Variants in RNF130 observed in about 807,000 individuals in gnomAD.
RNF130 encodes the protein ring finger protein 130, also known as E3 ubiquitin-protein ligase RNF130.
In RNF130, 21 loss-of-function variants were observed where a neutral mutation model predicts 44.6. The observed-to-expected ratio is 0.47, with a 90% CI of 0.33 to 0.68. RNF130 has a LOEUF of 0.68. Among genes scored for constraint, RNF130 ranks in the 30% least tolerant of loss-of-function variants. The pLI, the probability that RNF130 is intolerant of heterozygous loss-of-function variation, is 0.02. For synonymous variants in RNF130, 214 were observed against 210.4 expected (o/e 1.02, Z -0.15); for missense variants, 479 against 560.6 (o/e 0.85, Z 1.47).
At position 179,955,516 on chromosome 5, in the gene RNF130, T is replaced by G. The variant is rs1762192985; in HGVS notation, c.*138A>C. 1.5e-6 allele frequency: 1 copy of G among 652,564 alleles called. No individual in the cohort carries two copies. Among genetic ancestry groups the G allele is most frequent in the Non-Finnish European group, 2.6e-6 (1 of 385,122 alleles). The allele number at this position is 652,564 out of a possible 1,614,324, so 40.4% of individuals were successfully genotyped here. Reference sequence around the variant, plus strand: ...TTATTTATTTCTTTTAATACAAAGCTTTGGCATTAGCAATTTTATGAAAAA... The same window carrying G: ...TTATTTATTTCTTTTAATACAAAGCGTTGGCATTAGCAATTTTATGAAAAA... On this transcript the variant is annotated 3_prime_UTR_variant, in exon 9 of 9. Transcript: ENST00000521389.
chr5:179,917,553 C>G (rs905550259), exon 8 of RNF130: 1 of 152,458 alleles, frequency 6.6e-6, no homozygotes, highest in South Asian at 2.1e-4. Context: ...GCTCCCCAAG[C>G]GCCTCAGGGA....
chr5:179,963,402 T>A, intron 8 of RNF130, 69 bp downstream of exon 8: 1 of 1,249,694 alleles, frequency 8.0e-7, no homozygotes, highest in Non-Finnish European at 1.2e-6. Context: ...ACCACCTTCA[T>A]GAAAACTGCT....
At chr5:180,019,343 C>A (rs1480399898) in intron 2 of RNF130, among the ~76,000 whole-genome samples, 1 of 150,500 alleles carries the variant, frequency 6.6e-6, no homozygotes, top group Non-Finnish European at 1.5e-5. Flanking sequence ...GAGATCACGC[C>A]ACTGCACTCC....
chr5:179,945,309 T>G (rs574064881), intron 7 of RNF130, among the ~76,000 whole-genome samples: 1 of 152,132 alleles, frequency 6.6e-6, no homozygotes, highest in South Asian at 2.1e-4. Flanking sequence ...TGGGACCCAA[T>G]GGACCCAAAC....
intron 2 of RNF130, among the ~76,000 whole-genome samples, chr5:180,022,118 G>A (rs1015056231): frequency 2.6e-5 from 4 of 152,178 alleles, no homozygotes; most frequent in African/African-American, 4.8e-5. Context: ...ACCACCAGGC[G>A]GCCGAGAGCT....
intron 1 of RNF130, among the ~76,000 whole-genome samples, chr5:180,048,897 C>T (rs1582220066): frequency 6.6e-6 from 1 of 152,208 alleles, no homozygotes; most frequent in Non-Finnish European, 1.5e-5. Context: ...TTAAGCTCTT[C>T]ACTTCTGTGC....
chr5:180,007,161 G>C (rs1206028206), intron 3 of RNF130, among the ~76,000 whole-genome samples: 1 of 152,174 alleles, frequency 6.6e-6, no homozygotes, highest in East Asian at 1.9e-4. Context: ...AGCACTTTGG[G>C]AGGCTGAGGC....
Position 179,922,270 on chromosome 5 carries a change from A to G in RNF130, c.1151-1844T>C, listed in dbSNP as rs146479689. 1.7e-4 allele frequency among the ~76,000 whole-genome samples: 25 copies of G among 149,438 alleles called. No homozygotes were observed. In the East Asian group the frequency reaches 3.1e-3, roughly 19 times the overall value. On this transcript the variant is annotated intron_variant, in intron 7 of 7. Transcript: ENST00000522208. ...CTTCGTTTGTGAAGTGTTTTGTTCAAATCTTTAGTCCATTAAAAAAACTGG... is the reference window on the plus strand; with the variant it reads ...CTTCGTTTGTGAAGTGTTTTGTTCAGATCTTTAGTCCATTAAAAAAACTGG...
At chr5:180,024,628 G>A (rs1763947522) in intron 2 of RNF130, among the ~76,000 whole-genome samples, 1 of 152,168 alleles carries the variant, frequency 6.6e-6, no homozygotes, top group Non-Finnish European at 1.5e-5. Flanking sequence ...ATAAATAAAT[G>A]TTGAGAGAAT....
chr5:179,943,764 G>T (rs1425331213), intron 7 of RNF130, among the ~76,000 whole-genome samples: 5 of 152,312 alleles, frequency 3.3e-5, no homozygotes, highest in African/African-American at 1.2e-4. Context: ...TTGCAGCTAT[G>T]ATTAAACCGC....
At chr5:180,036,126 T>C (rs368812114) in intron 2 of RNF130, among the ~76,000 whole-genome samples, 4 of 152,188 alleles carry the variant, frequency 2.6e-5, no homozygotes, top group East Asian at 1.9e-4. Context: ...TTAGACAGTA[T>C]ATTGTAGCAA....
At chr5:179,993,687 C>CT (rs1763142118) in intron 3 of RNF130, among the ~76,000 whole-genome samples, 1 of 152,174 alleles carries the variant, frequency 6.6e-6, no homozygotes, top group Non-Finnish European at 1.5e-5. Flanking sequence ...CCTGTTCACT[C>CT]TATTGGTAGT....
intron 2 of RNF130, among the ~76,000 whole-genome samples, chr5:180,020,396 C>T (rs1205947690): frequency 5.9e-5 from 9 of 152,114 alleles, no homozygotes; most frequent in South Asian, 2.1e-4. Context: ...CTGGTGTGGA[C>T]GTGCTGTACG....
At chr5:179,996,314 C>A (rs1033413777) in intron 3 of RNF130, among the ~76,000 whole-genome samples, 2 of 152,140 alleles carry the variant, frequency 1.3e-5, no homozygotes, top group African/African-American at 4.8e-5. Flanking sequence ...TTGTATTCTG[C>A]AACTTTACTT....
chr5:180,041,419 G>A (rs1764415288), intron 1 of RNF130, among the ~76,000 whole-genome samples: 1 of 152,126 alleles, frequency 6.6e-6, no homozygotes, highest in Admixed American at 6.6e-5. Flanking sequence ...GATTTTTTGG[G>A]ATAGTTTATT....
chr5:180,006,274 T>C (rs960100922), intron 3 of RNF130, among the ~76,000 whole-genome samples: 1 of 151,842 alleles, frequency 6.6e-6, no homozygotes, highest in Admixed American at 6.6e-5. Context: ...TATACAATAC[T>C]TCCTCTCTTC....
intron 7 of RNF130, among the ~76,000 whole-genome samples, chr5:179,929,511 G>A (rs1005093184): frequency 6.6e-6 from 1 of 152,164 alleles, no homozygotes; most frequent in African/African-American, 2.4e-5. Flanking sequence ...ACTTTAGGAG[G>A]CCAAGGTGGG....
At chr5:180,023,917 T>TG (rs1763930429) in intron 2 of RNF130, among the ~76,000 whole-genome samples, 2 of 152,210 alleles carry the variant, frequency 1.3e-5, no homozygotes, top group South Asian at 4.1e-4. Flanking sequence ...TGACAGACAC[T>TG]ACCTCAGCCA....
intron 1 of RNF130, among the ~76,000 whole-genome samples, chr5:180,048,899 C>G (rs1482067743): frequency 1.3e-5 from 2 of 152,204 alleles, no homozygotes; most frequent in African/African-American, 4.8e-5. Context: ...AAGCTCTTCA[C>G]TTCTGTGCAG....
Sources: gnomAD v4.1 joint callset for allele counts (sites outside exome capture counted in the v4.1 genomes callset) on GRCh38, gnomAD v4.1.1 for gene constraint, MANE v1.5 for transcripts, NCBI Gene and HGNC (gene_info 2026-07-23, HGNC 2026-07-21) for gene names.